Variants in EPHA6 observed in about 807,000 individuals in gnomAD.
EPHA6 encodes ephrin type-A receptor 6.
In EPHA6, 50 loss-of-function variants were observed where a neutral mutation model predicts 112.0. That is an observed-to-expected ratio of 0.45 (90% CI 0.36 to 0.56). EPHA6 has a LOEUF of 0.56. Among genes scored for constraint, EPHA6 ranks in the 20% least tolerant of loss-of-function variants. EPHA6 has a pLI of 0.00. For missense variants in EPHA6, 1,280 were observed against 1,417.4 expected (o/e 0.90, Z 1.56); for synonymous variants, 529 against 490.7 (o/e 1.08, Z -1.03).
intron 5 of EPHA6, among the ~76,000 whole-genome samples, chr3:97,376,493 G>A (rs1490532044): frequency 1.9e-4 from 29 of 152,190 alleles, no homozygotes; most frequent in Admixed American, 1.9e-3. Context: ...CTAACAGTAT[G>A]TTATCAGAAT....
intron 14 of EPHA6, among the ~76,000 whole-genome samples, chr3:97,662,912 T>G (rs1033490775): frequency 6.6e-6 from 1 of 152,198 alleles, no homozygotes; most frequent in African/African-American, 2.4e-5. Flanking sequence ...ACTCAGGGCC[T>G]TGTCGAGGCC....
At chr3:97,250,861 TTTTC>T (rs914715376) in intron 5 of EPHA6, among the ~76,000 whole-genome samples, 2 of 152,068 alleles carry the variant, frequency 1.3e-5, no homozygotes, top group Non-Finnish European at 2.9e-5. Context: ...ATATTTGATA[TTTTC>T]TTTTTTTTTT....
intron 3 of EPHA6, among the ~76,000 whole-genome samples, chr3:97,071,264 G>A (rs1311140830): frequency 1.3e-5 from 2 of 151,946 alleles, no homozygotes; most frequent in Admixed American, 6.6e-5. Flanking sequence ...GTTATTTGTA[G>A]GATATGTTTT....
At position 97,587,136 on chromosome 3, in the gene EPHA6, G is replaced by A. The variant is rs189755181; in HGVS notation, c.2387-5476G>A. ...CGGGCACCTGTAATCCCAGCTACTC[G>A]GGAGGCTGAGGCAGGAGAATCGCTT... On this transcript the variant is annotated intron_variant, in intron 11 of 17. Transcript: ENST00000389672. Among the ~76,000 whole-genome samples the A allele has an allele frequency of 2.6e-5, 4 of 151,982 alleles. No individual in the cohort carries two copies. The East Asian group carries it at 7.7e-4, about 29-fold the overall frequency.
chr3:97,732,250 A>C lies in EPHA6; in HGVS notation c.2935-3675A>C, dbSNP rs1002727906. 2.0e-5 allele frequency among the ~76,000 whole-genome samples: 3 copies of C among 151,284 alleles called. No homozygotes were observed. In the Admixed American group the frequency reaches 2.0e-4, roughly 10 times the overall value. On this transcript the variant is annotated intron_variant, in intron 15 of 17. Transcript: ENST00000389672. ...CCTAAATCTACTTGCATTCTAGATC[A>C]CATCTCCTTTCCTCAACCCACGCAC...
At chr3:97,527,106 C>A (rs1316472973) in intron 10 of EPHA6, among the ~76,000 whole-genome samples, 1 of 152,070 alleles carries the variant, frequency 6.6e-6, no homozygotes, top group African/African-American at 2.4e-5. Context: ...GGTTCACGGA[C>A]AAAACTGATG....
intron 3 of EPHA6, among the ~76,000 whole-genome samples, chr3:97,145,118 T>TA (rs576064487): frequency 1.5e-4 from 23 of 151,240 alleles, no homozygotes; most frequent in South Asian, 4.2e-4. Context: ...TAATATAGAG[T>TA]AAAAAAAATC....
chr3:97,190,188 T>G (rs180924981), intron 3 of EPHA6, among the ~76,000 whole-genome samples: 232 of 152,246 alleles, frequency 1.5e-3, no homozygotes, highest in African/African-American at 5.3e-3. Flanking sequence ...ACCCTTTACT[T>G]GTAGTGATGC....
At chr3:97,409,809 A>G (rs928220969) in intron 6 of EPHA6, among the ~76,000 whole-genome samples, 5 of 152,048 alleles carry the variant, frequency 3.3e-5, no homozygotes, top group Non-Finnish European at 7.4e-5. Flanking sequence ...AATTTTTATC[A>G]CAGTCAGCAG....
intron 16 of EPHA6, among the ~76,000 whole-genome samples, chr3:97,742,234 T>C (rs76081653): frequency 0.02 from 2,998 of 152,212 alleles, 97 homozygotes; most frequent in African/African-American, 0.069. Context: ...CATGACAACA[T>C]TTTGACAACC....
At chr3:97,462,453 G>A (rs1204252813) in intron 7 of EPHA6, among the ~76,000 whole-genome samples, 1 of 152,114 alleles carries the variant, frequency 6.6e-6, no homozygotes, top group East Asian at 1.9e-4. Flanking sequence ...GACAGCCTCT[G>A]TGGAATCCTC....
intron 1 of EPHA6, among the ~76,000 whole-genome samples, chr3:96,865,783 G>C (rs1421195438): frequency 6.7e-6 from 1 of 148,832 alleles, no homozygotes; most frequent in South Asian, 2.2e-4. Context: ...CCAAAGCATT[G>C]TTTCTCAGAG....
chr3:97,215,804 G>A (rs1453473030), intron 3 of EPHA6, among the ~76,000 whole-genome samples: 2 of 152,002 alleles, frequency 1.3e-5, no homozygotes, highest in African/African-American at 2.4e-5. Flanking sequence ...ACATATTTCA[G>A]AAATAAGGAT....
At chr3:96,910,112 G>A (rs899704935) in intron 2 of EPHA6, among the ~76,000 whole-genome samples, 6 of 151,968 alleles carry the variant, frequency 3.9e-5, no homozygotes, top group African/African-American at 1.2e-4. Context: ...GTTCATAAAT[G>A]TACTAGGTGT....
At chr3:96,846,178 G>T (rs1559768308) in intron 1 of EPHA6, among the ~76,000 whole-genome samples, 1 of 152,106 alleles carries the variant, frequency 6.6e-6, no homozygotes, top group East Asian at 1.9e-4. Context: ...GTATATCCTT[G>T]TCCCTAATGT....
chr3:97,097,778 T>C (rs2108250948), intron 3 of EPHA6, among the ~76,000 whole-genome samples: 1 of 152,040 alleles, frequency 6.6e-6, no homozygotes, highest in Non-Finnish European at 1.5e-5. Context: ...TAAGAAATGC[T>C]TCCTGGTATT....
chr3:97,308,134 G>A (rs1003927103), intron 5 of EPHA6, among the ~76,000 whole-genome samples: 15 of 151,568 alleles, frequency 9.9e-5, no homozygotes, highest in Admixed American at 5.9e-4. Context: ...TACAAATTGT[G>A]TTTTAAATTA....
chr3:97,154,321 A>C (rs2076240788), intron 3 of EPHA6, among the ~76,000 whole-genome samples: 1 of 152,120 alleles, frequency 6.6e-6, no homozygotes, highest in South Asian at 2.1e-4. Flanking sequence ...TATTTCTACT[A>C]TGTACCCTTT....
chr3:97,648,616 G>C, intron 14 of EPHA6: 1 of 1,126,500 alleles, frequency 8.9e-7, no homozygotes, highest in Non-Finnish European at 1.1e-6. Context: ...TGAGTAAATG[G>C]GATTCGTCTG....
Sources: allele counts gnomAD v4.1 joint callset (sites outside exome capture counted in the v4.1 genomes callset), GRCh38; gene constraint gnomAD v4.1.1; transcripts MANE v1.5; gene names NCBI Gene and HGNC (gene_info 2026-07-23, HGNC 2026-07-21).